Variants in TAFA1 observed in about 807,000 individuals in gnomAD.
TAFA1 encodes TAFA chemokine like family member 1.
In TAFA1, 4 loss-of-function variants were observed where a neutral mutation model predicts 18.5. That is an observed-to-expected ratio of 0.22 (90% CI 0.11 to 0.49). TAFA1 has a LOEUF of 0.49. Ranked by LOEUF, TAFA1 falls within the 20% of genes least tolerant of loss-of-function variation. The pLI is 0.98. For missense variants in TAFA1, 147 were observed against 169.0 expected, an observed-to-expected ratio of 0.87 and a Z score of 0.72; for synonymous variants, 56 against 55.2, an observed-to-expected ratio of 1.01 and a Z score of -0.06.
intron 2 of TAFA1, among the ~76,000 whole-genome samples, chr3:68,269,392 T>G (rs994175910): frequency 6.6e-6 from 1 of 152,144 alleles, no homozygotes; most frequent in South Asian, 2.1e-4. Flanking sequence ...GAGTTCAGGT[T>G]ATAATGATGA....
At chr3:68,287,990 T>C (rs1295308101) in intron 2 of TAFA1, among the ~76,000 whole-genome samples, 2 of 151,598 alleles carry the variant, frequency 1.3e-5, no homozygotes, top group African/African-American at 4.8e-5. Flanking sequence ...TTCTTAAATA[T>C]CGATTTTCAC....
intron 2 of TAFA1, among the ~76,000 whole-genome samples, chr3:68,136,435 C>T (rs1386953466): frequency 6.6e-6 from 1 of 152,102 alleles, no homozygotes; most frequent in Non-Finnish European, 1.5e-5. Context: ...TGGAGACCAG[C>T]AGAAATGTGG....
intron 2 of TAFA1, among the ~76,000 whole-genome samples, chr3:68,153,250 C>T (rs1040972880): frequency 6.6e-5 from 10 of 152,148 alleles, no homozygotes; most frequent in Admixed American, 3.9e-4. Context: ...GATCCAATAG[C>T]AAACTATTCA....
At chr3:68,511,630 AT>A (rs761612841) in intron 3 of TAFA1, among the ~76,000 whole-genome samples, 5 of 152,026 alleles carry the variant, frequency 3.3e-5, no homozygotes, top group African/African-American at 4.8e-5. Flanking sequence ...GTAGTTTAAA[AT>A]TTTAACATAA....
chr3:68,255,693 G>C (rs1341447655), intron 2 of TAFA1, among the ~76,000 whole-genome samples: 2 of 151,938 alleles, frequency 1.3e-5, no homozygotes, highest in East Asian at 1.9e-4. Context: ...TTGCCTGTTT[G>C]TTTTATGAAG....
At chr3:68,453,113 A>G (rs962066488) in intron 3 of TAFA1, among the ~76,000 whole-genome samples, 12 of 152,152 alleles carry the variant, frequency 7.9e-5, no homozygotes, top group Non-Finnish European at 1.6e-4. Context: ...CAGAGACATA[A>G]GCGCTTACTA....
intron 2 of TAFA1, among the ~76,000 whole-genome samples, chr3:68,384,595 G>T (rs1161406421): frequency 2.0e-5 from 3 of 151,970 alleles, no homozygotes; most frequent in Non-Finnish European, 4.4e-5. Flanking sequence ...TTATGTGATT[G>T]ATTTTAGAGT....
intron 2 of TAFA1, among the ~76,000 whole-genome samples, chr3:68,066,705 G>A (rs550641608): frequency 6.6e-6 from 1 of 152,250 alleles, no homozygotes; most frequent in South Asian, 2.1e-4. Context: ...ATTTTCACAA[G>A]AGAAAACCTT....
intron 2 of TAFA1, among the ~76,000 whole-genome samples, chr3:68,079,685 T>C (rs1265407328): frequency 3.9e-5 from 6 of 152,340 alleles, no homozygotes; most frequent in Non-Finnish European, 8.8e-5. Context: ...AGACAGTTTG[T>C]TATAACTTGT....
At chr3:68,079,543 T>G (rs1559512157) in intron 2 of TAFA1, among the ~76,000 whole-genome samples, 1 of 152,172 alleles carries the variant, frequency 6.6e-6, no homozygotes, top group Non-Finnish European at 1.5e-5. Context: ...AAAGAACATC[T>G]TTATTTCTGC....
intron 2 of TAFA1, among the ~76,000 whole-genome samples, chr3:68,092,035 T>A (rs1225511427): frequency 6.6e-6 from 1 of 152,116 alleles, no homozygotes; most frequent in East Asian, 1.9e-4. Flanking sequence ...AATGTCCCAT[T>A]TCCTGGAATT....
chr3:68,209,322 T>G (rs2066565733), intron 2 of TAFA1, among the ~76,000 whole-genome samples: 1 of 152,062 alleles, frequency 6.6e-6, no homozygotes, highest in Admixed American at 6.6e-5. Flanking sequence ...CTGTGGTGAT[T>G]TTTAAATTCA....
At chr3:68,202,956 T>C (rs2066484856) in intron 2 of TAFA1, among the ~76,000 whole-genome samples, 1 of 151,776 alleles carries the variant, frequency 6.6e-6, no homozygotes, top group Non-Finnish European at 1.5e-5. Flanking sequence ...ATATTTCTTC[T>C]CTCTAAAGAA....
At chr3:68,453,991 T>G (rs1452840032) in intron 3 of TAFA1, among the ~76,000 whole-genome samples, 1 of 152,164 alleles carries the variant, frequency 6.6e-6, no homozygotes, top group Non-Finnish European at 1.5e-5. Context: ...AATTAATTCT[T>G]TGCACATCCC....
At chr3:68,138,559 G>C (rs1000377370) in intron 2 of TAFA1, among the ~76,000 whole-genome samples, 4 of 152,154 alleles carry the variant, frequency 2.6e-5, no homozygotes, top group African/African-American at 9.7e-5. Flanking sequence ...AGGTGGTGGA[G>C]CAATTTTTAA....
At chr3:68,405,015 A>G (rs2070569818) in intron 2 of TAFA1, among the ~76,000 whole-genome samples, 1 of 152,130 alleles carries the variant, frequency 6.6e-6, no homozygotes, top group Non-Finnish European at 1.5e-5. Context: ...AAAAAATTCC[A>G]ATGGCATTTT....
At chr3:68,298,693 C>G (rs968647168) in intron 2 of TAFA1, among the ~76,000 whole-genome samples, 3 of 152,122 alleles carry the variant, frequency 2.0e-5, no homozygotes, top group Non-Finnish European at 4.4e-5. Flanking sequence ...TTAGGTAGTT[C>G]CTCCAGTATT....
intron 2 of TAFA1, among the ~76,000 whole-genome samples, chr3:68,381,856 A>G (rs945219047): frequency 6.6e-6 from 1 of 152,160 alleles, no homozygotes; most frequent in African/African-American, 2.4e-5. Flanking sequence ...GCCAGTTTTC[A>G]AAGGGAATGC....
At chr3:68,026,185 C>T (rs1704810928) in intron 2 of TAFA1, among the ~76,000 whole-genome samples, 1 of 151,888 alleles carries the variant, frequency 6.6e-6, no homozygotes, top group African/African-American at 2.4e-5. Flanking sequence ...CTTCAGGGGC[C>T]CTGGTCCTCT....
Sources: allele counts gnomAD v4.1 joint callset (sites outside exome capture counted in the v4.1 genomes callset), GRCh38; gene constraint gnomAD v4.1.1; transcripts MANE v1.5; gene names NCBI Gene and HGNC (gene_info 2026-07-23, HGNC 2026-07-21).